The following MANBA variants were observed in gnomAD, a reference collection of about 807,000 sequenced individuals.
The protein encoded by MANBA is beta-mannosidase.
Under a neutral mutation model 111.1 loss-of-function variants are expected in MANBA, and 83 were observed. The ratio of observed to expected loss-of-function variants is 0.75; its 90% CI spans 0.63 to 0.90. The LOEUF is 0.90. Among genes scored for constraint, MANBA ranks in the 40% least tolerant of loss-of-function variants. The pLI, the probability that MANBA is intolerant of heterozygous loss-of-function variation, is 0.00. For missense variants in MANBA, 1,036 were observed against 1,069.0 expected, an observed-to-expected ratio of 0.97 and a Z score of 0.43; for synonymous variants, 370 against 378.7, an observed-to-expected ratio of 0.98 and a Z score of 0.27.
At chr4:102,728,023 G>C in intron 1 of MANBA, 1 of 474,206 alleles carries the variant, frequency 2.1e-6, no homozygotes, top group Non-Finnish European at 4.1e-6. Context: ...CTTTCAATCT[G>C]TTTCTGACCA....
chr4:102,634,483 C>G (rs1405742652), intron 16 of MANBA, among the ~76,000 whole-genome samples: 1 of 104,164 alleles, frequency 9.6e-6, no homozygotes, highest in African/African-American at 4.1e-5. Flanking sequence ...CAGCCTGGAA[C>G]CTAGTGGGCA....
chr4:102,671,465 C>T (rs1262125946), intron 8 of MANBA, 67 bp from the exon 9 acceptor site: 1 of 901,726 alleles, frequency 1.1e-6, no homozygotes, highest in Non-Finnish European at 1.8e-6. Flanking sequence ...CAGATAAACA[C>T]ATTTCTAATC....
rs530065166 is a variant in MANBA, at chr4:102,716,530, A to G, written c.550-1969T>C. 1.1e-4 allele frequency among the ~76,000 whole-genome samples: 17 copies of G among 152,240 alleles called. No homozygotes were observed. In the South Asian group the frequency reaches 3.5e-3, roughly 32 times the overall value. ...TTATCCAATCTTATTTGACCTGGGT[A>G]CCTGTCTCTCCCTTGATGACACTCA... On this transcript the variant is annotated intron_variant, in intron 4 of 16. Coordinates refer to ENST00000647097, the MANE Select transcript of MANBA (RefSeq NM_005908.4).
chr4:102,729,955 G>T, intron 1 of MANBA: 1 of 1,090,588 alleles, frequency 9.2e-7, no homozygotes, highest in Non-Finnish European at 1.4e-6. Flanking sequence ...AGGGGGCTCA[G>T]CAGGCTCTGG....
At chr4:102,677,959 C>T (rs981333656) in intron 7 of MANBA, among the ~76,000 whole-genome samples, 8 of 151,940 alleles carry the variant, frequency 5.3e-5, no homozygotes, top group African/African-American at 1.9e-4. Context: ...TGGTAAATAT[C>T]GGTACATATA....
intron 4 of MANBA, among the ~76,000 whole-genome samples, chr4:102,715,852 GA>G (rs1272642828): frequency 1.3e-5 from 2 of 152,142 alleles, no homozygotes; most frequent in Non-Finnish European, 2.9e-5. Context: ...AATGTTCTAA[GA>G]ACATAAAATC....
At chr4:102,711,139 C>A (rs1722046829) in intron 5 of MANBA, among the ~76,000 whole-genome samples, 1 of 152,080 alleles carries the variant, frequency 6.6e-6, no homozygotes, top group African/African-American at 2.4e-5. Flanking sequence ...AACTAAAAAG[C>A]TTCTTCACAG....
chr4:102,645,657 G>T (rs1730071191), intron 13 of MANBA, among the ~76,000 whole-genome samples: 1 of 151,978 alleles, frequency 6.6e-6, no homozygotes, highest in Admixed American at 6.6e-5. Context: ...TAACTGACTT[G>T]TTGCCATATA....
intron 7 of MANBA, among the ~76,000 whole-genome samples, chr4:102,682,304 T>C (rs1029899135): frequency 6.6e-6 from 1 of 152,092 alleles, no homozygotes; most frequent in African/African-American, 2.4e-5. Flanking sequence ...GACCAACATA[T>C]GATTGGTGGA....
At chr4:102,638,719 A>G (rs2125211) in intron 14 of MANBA, among the ~76,000 whole-genome samples, 79,352 of 151,926 alleles carry the variant, frequency 0.52, 20,947 homozygotes, top group Admixed American at 0.61. Context: ...TTCTCATTCA[A>G]TGCTCTCTTA....
In MANBA at chr4:102,635,038, A is replaced by G; in HGVS notation, c.2165T>C (p.Val722Ala). The G allele has an allele frequency of 2.5e-6, 4 of 1,613,936 alleles. No individual in the cohort carries two copies. Among genetic ancestry groups the G allele is most frequent in the Non-Finnish European group, 2.5e-6 (3 of 1,179,916 alleles). Residue 722 changes from valine to alanine, a missense_variant, in exon 16 of 17, where the codon GTC (valine) becomes GCC (alanine). Coordinates refer to ENST00000647097, the MANE Select transcript of MANBA (RefSeq NM_005908.4). ...GGGCTCCAGGGAGCTCCATGTATGGACTCTCACCTGGGGAGAAATAAAACA... is the reference window on the plus strand; with the variant it reads ...GGGCTCCAGGGAGCTCCATGTATGGGCTCTCACCTGGGGAGAAATAAAACA... The part of the protein sequence containing the change: ...SDYSMTLSVR[V>A]HTWSSLEPVC...
At chr4:102,694,704 ACAC>A (rs1422116144) in intron 5 of MANBA, among the ~76,000 whole-genome samples, 1 of 152,064 alleles carries the variant, frequency 6.6e-6, no homozygotes, top group Non-Finnish European at 1.5e-5. Flanking sequence ...CCTTCCAATC[ACAC>A]CACCAAGTTC....
intron 1 of MANBA, among the ~76,000 whole-genome samples, chr4:102,743,442 C>T (rs529231323): frequency 3.3e-5 from 5 of 152,328 alleles, no homozygotes; most frequent in African/African-American, 1.2e-4. Flanking sequence ...CTGCAGCTAT[C>T]CACTTTCGGG....
At chr4:102,742,944 C>T (rs1044955273) in intron 1 of MANBA, among the ~76,000 whole-genome samples, 5 of 152,294 alleles carry the variant, frequency 3.3e-5, no homozygotes, top group African/African-American at 1.2e-4. Flanking sequence ...GCCAGGTCAG[C>T]CTTGCTGAGT....
chr4:102,634,349 C>T (rs1193229856), intron 16 of MANBA, among the ~76,000 whole-genome samples: 11 of 152,224 alleles, frequency 7.2e-5, no homozygotes, highest in Admixed American at 6.5e-5. Flanking sequence ...CAATGCTTCC[C>T]AGCTACAGGA....
chr4:102,643,504 A>T (rs771892766), intron 13 of MANBA, among the ~76,000 whole-genome samples: 2 of 152,196 alleles, frequency 1.3e-5, no homozygotes, highest in African/African-American at 4.8e-5. Context: ...GAACTGTTTT[A>T]CATTCCCACC....
chr4:102,711,299 C>A (rs1722054316), intron 5 of MANBA, among the ~76,000 whole-genome samples: 1 of 152,056 alleles, frequency 6.6e-6, no homozygotes. Flanking sequence ...TAAAAGTGGG[C>A]AAAGGACATG....
chr4:102,715,083 T>C (rs1252136192), intron 4 of MANBA, among the ~76,000 whole-genome samples: 1 of 152,030 alleles, frequency 6.6e-6, no homozygotes, highest in Non-Finnish European at 1.5e-5. Context: ...CCCACAATGA[T>C]CCCCCCTTTG....
chr4:102,705,581 G>A (rs1733259790), intron 5 of MANBA, among the ~76,000 whole-genome samples: 2 of 152,114 alleles, frequency 1.3e-5, no homozygotes, highest in Non-Finnish European at 2.9e-5. Context: ...GAAAGTGCAT[G>A]CTCTCCAGTC....
Sources: allele counts gnomAD v4.1 joint callset (sites outside exome capture counted in the v4.1 genomes callset), GRCh38; gene constraint gnomAD v4.1.1; transcripts MANE v1.5; gene names NCBI Gene and HGNC (gene_info 2026-07-23, HGNC 2026-07-21).